Variants in NALF1 observed in about 807,000 individuals in gnomAD.
NALF1 encodes the protein family with sequence similarity 155 member A.
A neutral mutation model predicts 48.4 loss-of-function variants in NALF1; 3 were observed. That is an observed-to-expected ratio of 0.06 (90% CI 0.03 to 0.16). The LOEUF is 0.16. Among genes scored for constraint, NALF1 ranks in the 10% least tolerant of loss-of-function variants. The pLI, the probability that NALF1 is intolerant of heterozygous loss-of-function variation, is 1.00. For synonymous variants in NALF1, 262 were observed against 245.7 expected (o/e 1.07, Z -0.62); for missense variants, 526 against 571.5 (o/e 0.92, Z 0.81).
intron 1 of NALF1, among the ~76,000 whole-genome samples, chr13:107,627,257 G>GA (rs1879698029): frequency 1.3e-5 from 2 of 152,004 alleles, no homozygotes; most frequent in South Asian, 4.1e-4. Context: ...ATTTTGAAAA[G>GA]AAAAGTATGA....
chr13:107,325,887 T>TACACAC (rs1555332567), intron 1 of NALF1, among the ~76,000 whole-genome samples: 3,375 of 58,308 alleles, frequency 0.058, 182 homozygotes, highest in East Asian at 0.15. Flanking sequence ...TATATATATA[T>TACACAC]ACACACACAC....
chr13:107,789,690 C>T (rs544181212), intron 1 of NALF1, among the ~76,000 whole-genome samples: 2 of 152,280 alleles, frequency 1.3e-5, no homozygotes, highest in East Asian at 3.9e-4. Flanking sequence ...AACTGAGACT[C>T]AGACAGATTC....
At chr13:107,801,128 C>T (rs1411288547) in intron 1 of NALF1, among the ~76,000 whole-genome samples, 10 of 152,092 alleles carry the variant, frequency 6.6e-5, no homozygotes, top group Non-Finnish European at 1.5e-5. Context: ...CAATACAAAA[C>T]ACAAAGGTAC....
intron 1 of NALF1, among the ~76,000 whole-genome samples, chr13:107,726,795 G>A (rs763154035): frequency 2.0e-5 from 3 of 151,942 alleles, no homozygotes; most frequent in Non-Finnish European, 4.4e-5. Flanking sequence ...ATTTTTAGTA[G>A]AAATGAGGTT....
intron 1 of NALF1, among the ~76,000 whole-genome samples, chr13:107,295,905 T>C (rs1247665686): frequency 1.3e-5 from 2 of 152,218 alleles, no homozygotes; most frequent in Non-Finnish European, 2.9e-5. Flanking sequence ...TCCAGCTCTT[T>C]TGCAAGTCGG....
At chr13:107,374,036 T>A (rs1462599562) in intron 1 of NALF1, among the ~76,000 whole-genome samples, 2 of 152,242 alleles carry the variant, frequency 1.3e-5, no homozygotes, top group African/African-American at 4.8e-5. Flanking sequence ...TGAAAATTAT[T>A]GATTTATTAA....
chr13:107,304,985 T>C (rs1032227179), intron 1 of NALF1, among the ~76,000 whole-genome samples: 1 of 152,252 alleles, frequency 6.6e-6, no homozygotes, highest in Non-Finnish European at 1.5e-5. Flanking sequence ...ATGAGGTTTT[T>C]CAGTATGCAT....
At chr13:107,387,559 G>A (rs1883551033) in intron 1 of NALF1, among the ~76,000 whole-genome samples, 1 of 152,110 alleles carries the variant, frequency 6.6e-6, no homozygotes, top group Non-Finnish European at 1.5e-5. Context: ...TATCTGTTCA[G>A]TGTCACAAAA....
chr13:107,576,192 A>G (rs944713472), intron 1 of NALF1, among the ~76,000 whole-genome samples: 7 of 152,148 alleles, frequency 4.6e-5, no homozygotes, highest in African/African-American at 1.7e-4. Flanking sequence ...TTTAATGATG[A>G]AAGAAAATTT....
rs139262176 is a variant in NALF1, at chr13:107,576,025, C to T, written c.915+289657G>A. 6.4e-3 allele frequency among the ~76,000 whole-genome samples: 968 copies of T among 151,220 alleles called. 3 individuals carry two copies. Among genetic ancestry groups the T allele is most frequent in the Non-Finnish European group, 9.9e-3 (673 of 67,674 alleles). ...GTGTGTGTGTGTACCTGTGTCTGTA[C>T]GTGTTTGTATCTTTGTGCAAGTGTA... On this transcript the variant is annotated intron_variant, in intron 1 of 2. Transcript: ENST00000375915.
At chr13:107,689,786 T>C (rs1284971585) in intron 1 of NALF1, among the ~76,000 whole-genome samples, 1 of 152,200 alleles carries the variant, frequency 6.6e-6, no homozygotes, top group Non-Finnish European at 1.5e-5. Context: ...TTGAAAACAT[T>C]TCAGGCTCTG....
intron 1 of NALF1, among the ~76,000 whole-genome samples, chr13:107,832,137 C>T (rs72657283): frequency 0.017 from 2,510 of 152,060 alleles, 42 homozygotes; most frequent in Admixed American, 0.032. Context: ...AGTAAATTTT[C>T]CAAGCACTTT....
At chr13:107,240,084 A>T (rs1021638748) in intron 1 of NALF1, among the ~76,000 whole-genome samples, 2 of 152,224 alleles carry the variant, frequency 1.3e-5, no homozygotes, top group Non-Finnish European at 2.9e-5. Context: ...GAATGTAATA[A>T]TTGTGTTATG....
At chr13:107,598,467 C>T (rs1221558027) in intron 1 of NALF1, among the ~76,000 whole-genome samples, 1 of 152,194 alleles carries the variant, frequency 6.6e-6, no homozygotes, top group Non-Finnish European at 1.5e-5. Context: ...CTTGCTTGAA[C>T]ACCAACCTCA....
chr13:107,822,826 T>C (rs2138618865), intron 1 of NALF1, among the ~76,000 whole-genome samples: 1 of 152,230 alleles, frequency 6.6e-6, no homozygotes, highest in Non-Finnish European at 1.5e-5. Context: ...CAAGGAAAAA[T>C]TTAGCTTAAA....
At chr13:107,744,887 A>T (rs553108797) in intron 1 of NALF1, among the ~76,000 whole-genome samples, 7 of 152,356 alleles carry the variant, frequency 4.6e-5, no homozygotes, top group East Asian at 1.9e-4. Flanking sequence ...TTAACCAAAA[A>T]TATCTGTTTA....
intron 1 of NALF1, among the ~76,000 whole-genome samples, chr13:107,615,462 G>GT (rs1400935535): frequency 2.0e-5 from 3 of 152,216 alleles, no homozygotes; most frequent in East Asian, 3.9e-4. Context: ...AATTCACAAG[G>GT]TCACCTCTGT....
At chr13:107,411,722 A>C in intron 1 of NALF1, among the ~76,000 whole-genome samples, 1 of 151,874 alleles carries the variant, frequency 6.6e-6, no homozygotes, top group South Asian at 2.1e-4. Context: ...ATGCCAACCC[A>C]CTCCCCTGCA....
intron 1 of NALF1, among the ~76,000 whole-genome samples, chr13:107,854,287 A>G (rs944467005): frequency 1.3e-5 from 2 of 152,250 alleles, no homozygotes; most frequent in Non-Finnish European, 2.9e-5. Flanking sequence ...TCCAGAAAGC[A>G]GGTCACTTGC....
Sources: allele counts gnomAD v4.1 joint callset (sites outside exome capture counted in the v4.1 genomes callset), GRCh38; gene constraint gnomAD v4.1.1; transcripts MANE v1.5; gene names NCBI Gene and HGNC (gene_info 2026-07-23, HGNC 2026-07-21).